TEX14: variants seen among roughly 807,000 people sequenced by gnomAD.
TEX14 encodes testis expressed 14, intercellular bridge forming factor.
TEX14 carries 168 observed loss-of-function variants against 178.6 expected under a neutral mutation model. That is an observed-to-expected ratio of 0.94 (90% confidence interval 0.83 to 1.07). TEX14 has a LOEUF of 1.07. Among genes scored for constraint, TEX14 ranks in the 50% least tolerant of loss-of-function variants. The pLI is 0.00. For missense variants in TEX14, 1,730 were observed against 1,753.6 expected (o/e 0.99, Z 0.24); for synonymous variants, 626 against 634.1 (o/e 0.99, Z 0.19).
chr17:58,660,111 T>C (rs2047077341), intron 1 of TEX14, among the ~76,000 whole-genome samples: 2 of 151,156 alleles, frequency 1.3e-5, no homozygotes, highest in South Asian at 4.2e-4. Flanking sequence ...CGCTTAATAA[T>C]TTAACACTTT....
At chr17:58,622,690 C>A (rs914670738) in intron 4 of TEX14, among the ~76,000 whole-genome samples, 157 bp downstream of exon 4, 2 of 152,142 alleles carry the variant, frequency 1.3e-5, no homozygotes, top group Non-Finnish European at 2.9e-5. Flanking sequence ...CTAGACCTGC[C>A]GGAAGTTTCG....
intron 2 of TEX14, among the ~76,000 whole-genome samples, chr17:58,644,638 C>CTTTT (rs34373378): frequency 7.6e-5 from 3 of 39,566 alleles, no homozygotes; most frequent in African/African-American, 1.2e-4. Flanking sequence ...CCGCACCTGG[C>CTTTT]TTTTTTTTTT....
chr17:58,581,529 A>G, intron 19 of TEX14: 1 of 1,484,828 alleles, frequency 6.7e-7, no homozygotes, highest in Non-Finnish European at 9.2e-7. Context: ...ATACTTTGAT[A>G]TGTAAGCTAT....
Position 58,599,427 on chromosome 17 carries a change from G to A in TEX14, c.1918C>T (p.Pro640Ser), listed in dbSNP as rs772345537. Residue 640 changes from proline (P) to serine (S), a missense_variant, in exon 14 of 32, where the codon CCA becomes TCA. Coordinates refer to ENST00000349033, the MANE Select transcript of TEX14 (RefSeq NM_031272.5). Reference protein sequence around the residue: ...LILEDDIEEPPGAASSLEADG... With the variant: ...LILEDDIEEPSGAASSLEADG... ...GCCTCCAAAGATGAAGCAGCTCCTG[G>A]AGGCTCTTCTATGTCATCTTCCAAA... 9 of 1,614,130 alleles carry A rather than the reference G, an allele frequency of 5.6e-6. No individual in the cohort carries two copies. In the South Asian group the frequency reaches 9.9e-5, roughly 18 times the overall value.
chr17:58,590,809 C>T (rs7210432), intron 15 of TEX14, among the ~76,000 whole-genome samples: 28,225 of 151,876 alleles, frequency 0.19, 2,761 homozygotes, highest in Non-Finnish European at 0.21. Context: ...CCTGTCTTGG[C>T]TTCCGAAAGT....
intron 1 of TEX14, among the ~76,000 whole-genome samples, chr17:58,681,412 G>A (rs765839143): frequency 1.3e-5 from 2 of 152,148 alleles, no homozygotes; most frequent in Non-Finnish European, 2.9e-5. Flanking sequence ...CAAGTCTGAT[G>A]TTCTGACAGT....
At chr17:58,571,676 A>C (rs1165699395) in intron 24 of TEX14, among the ~76,000 whole-genome samples, 1 of 152,218 alleles carries the variant, frequency 6.6e-6, no homozygotes, top group Non-Finnish European at 1.5e-5. Flanking sequence ...TTATTAGTTC[A>C]GGAGTTCAGA....
rs143874083 is a variant in TEX14 at position 58,577,813 on chromosome 17, G to A, written c.3239-357C>T. On this transcript the variant is annotated intron_variant, in intron 20 of 31. Coordinates refer to ENST00000349033, the MANE Select transcript of TEX14 (RefSeq NM_031272.5). ...TTCCTGTCAACAGACGCCAGGGGGC[G>A]TTGAAAACAAGAACTGTTTGTTAAC... 2.4e-3 allele frequency among the ~76,000 whole-genome samples: 369 copies of A among 152,312 alleles called. 3 individuals are homozygous for A. The highest frequency in any genetic ancestry group is 0.017 in the Middle Eastern group (5 of 294).
chr17:58,558,341 T>G, intron 30 of TEX14, among the ~76,000 whole-genome samples: 1 of 152,180 alleles, frequency 6.6e-6, no homozygotes, highest in South Asian at 2.1e-4. Context: ...AGAGGTCAGT[T>G]ACTAGACCTT....
intron 5 of TEX14, among the ~76,000 whole-genome samples, chr17:58,620,608 C>A (rs1017170378): frequency 6.6e-6 from 1 of 152,180 alleles, no homozygotes; most frequent in Admixed American, 6.5e-5. Context: ...ATTCGCCTGC[C>A]TCAGCCTCCT....
intron 26 of TEX14, among the ~76,000 whole-genome samples, chr17:58,568,863 G>T (rs1210827467): frequency 6.6e-6 from 1 of 152,168 alleles, no homozygotes; most frequent in African/African-American, 2.4e-5. Context: ...GGCTGGTTTG[G>T]TCTGAAAAGG....
intron 3 of TEX14, among the ~76,000 whole-genome samples, chr17:58,626,182 A>C (rs1408682272): frequency 6.6e-6 from 1 of 151,934 alleles, no homozygotes; most frequent in Non-Finnish European, 1.5e-5. Context: ...CTCAGAGAAA[A>C]CCTAAACCCA....
intron 25 of TEX14, among the ~76,000 whole-genome samples, chr17:58,570,181 C>T (rs1190499219): frequency 6.6e-6 from 1 of 151,286 alleles, no homozygotes; most frequent in Non-Finnish European, 1.5e-5. Flanking sequence ...AAAAAAAGTA[C>T]ATGAGGTTAA....
At position 58,630,447 on chromosome 17, in the gene TEX14, G is replaced by A; in HGVS notation, c.244C>T (p.Pro82Ser). 6.2e-7 allele frequency: 1 copy of A among 1,607,588 alleles called. No individual in the cohort carries two copies. Among genetic ancestry groups the A allele is most frequent in the Non-Finnish European group, 8.5e-7 (1 of 1,174,170 alleles). Residue 82 changes from proline (P) to serine (S), a missense_variant, in exon 3 of 32, where the codon CCA becomes TCA. By Grantham distance (74) the Pro-to-Ser change is moderately conservative (BLOSUM62 -1). Transcript: ENST00000349033. ...CAATATTATTGTACTTACTGATTTG[G>A]ATCTGATCCATAATCCACCAGAACA... is the stretch of plus-strand genomic sequence containing the variant. ...VDVLVDYGSD[P>S]NHRCFDGSTP...
chr17:58,651,663 C>CACAAA (rs572698362), intron 2 of TEX14, among the ~76,000 whole-genome samples: 32 of 152,276 alleles, frequency 2.1e-4, no homozygotes, highest in African/African-American at 4.8e-4. Flanking sequence ...GGTTCCCCAA[C>CACAAA]ACAAAACAAA....
At chr17:58,585,075 T>C (rs2044921196) in intron 18 of TEX14, among the ~76,000 whole-genome samples, 1 of 152,182 alleles carries the variant, frequency 6.6e-6, no homozygotes, top group Non-Finnish European at 1.5e-5. Flanking sequence ...AAAAATTTAA[T>C]GCCAGCTTAG....
chr17:58,615,860 C>T (rs1335827314), intron 7 of TEX14, among the ~76,000 whole-genome samples: 3 of 152,186 alleles, frequency 2.0e-5, no homozygotes, highest in East Asian at 1.9e-4. Flanking sequence ...GGTTCTCCCC[C>T]AGAAACCTAT....
chr17:58,563,615 T>G (rs1207180374), intron 28 of TEX14, among the ~76,000 whole-genome samples: 1 of 94,706 alleles, frequency 1.1e-5, no homozygotes. Context: ...AAAGCCCATC[T>G]CTAATTTATA....
rs1218873450 is a variant in TEX14 at position 58,557,808 on chromosome 17, T to A, written c.4310A>T (p.Glu1437Val). The change falls in exon 31 of 32, where the codon GAA becomes GTA. Residue 1437 changes from glutamate to valine, a missense_variant. Physicochemically the swap from Glu to Val is moderately radical, Grantham distance 121. Coordinates refer to ENST00000349033, the MANE Select transcript of TEX14 (RefSeq NM_031272.5). ...TCTGATATTTCATTACCTGGATGAT[T>A]CGGACCAACCTAGTCGCTTCCAAAA... ...SCFWKRLGWS[E>V]SSRIIVLDQS... 1 of 1,611,678 alleles carries A rather than the reference T, an allele frequency of 6.2e-7. No individual in the cohort carries two copies. The highest frequency in any genetic ancestry group is 8.5e-7 in the Non-Finnish European group (1 of 1,178,596).
Sources: allele counts gnomAD v4.1 joint callset (sites outside exome capture counted in the v4.1 genomes callset), GRCh38; gene constraint gnomAD v4.1.1; transcripts MANE v1.5; gene names NCBI Gene and HGNC (gene_info 2026-07-23, HGNC 2026-07-21).